The following SPTB variants were observed in gnomAD, a reference collection of about 807,000 sequenced individuals.
The protein encoded by SPTB is spectrin beta, erythrocytic.
A neutral mutation model predicts 256.2 loss-of-function variants in SPTB; 45 were observed. That is an observed-to-expected ratio of 0.18 (90% CI 0.14 to 0.23). SPTB has a LOEUF of 0.23. Among genes scored for constraint, SPTB ranks in the 10% least tolerant of loss-of-function variants. The probability of loss-of-function intolerance (pLI) is 1.00; values close to 1 mark genes in which losing one functional copy is unlikely to be tolerated. For synonymous variants in SPTB, 1,231 were observed against 1,243.1 expected, an observed-to-expected ratio of 0.99 and a Z score of 0.21; for missense variants, 2,715 against 3,040.4, an observed-to-expected ratio of 0.89 and a Z score of 2.52.
chr14:64,795,580 G>T lies in SPTB; in HGVS notation c.1401C>A (p.Ile467=). The T allele has an allele frequency of 6.2e-7, 1 of 1,614,108 alleles. No homozygotes were observed. The highest frequency in any genetic ancestry group is 8.5e-7 in the Non-Finnish European group (1 of 1,180,040). Residue 467 remains isoleucine (I), a synonymous_variant, in exon 12 of 36, where the codon ATC becomes ATA. Transcript: ENST00000644917. The surrounding 1 kb of genome is among the most constrained non-coding windows in gnomAD (Gnocchi z 6.5). ...VEAAKKKHEA[I]ETDTAAYEER... The stretch of plus-strand genomic sequence containing the variant: ...CCTCGTAGGCAGCCGTGTCGGTCTC[G>T]ATGGCCTCATGCTTCTTCTTGGCGG...
Position 64,759,443 on chromosome 14 carries a change from T to C in SPTB, c.6346-5650A>G, listed in dbSNP as rs2082062467. On this transcript the variant is annotated intron_variant, in intron 32 of 35. Coordinates refer to ENST00000644917, the MANE Select transcript of SPTB (RefSeq NM_001355436.2). This position sits in a 1 kb window ranked among gnomAD's most constrained non-coding sequence, Gnocchi z 4.8. ...CCCTGGGTCAGGCTAGCAGCATGGT[T>C]TGGCAGGAGGACCCACCTCCCCTGA... is the stretch of plus-strand genomic sequence containing the variant. Among the ~76,000 whole-genome samples, 1 of 152,134 alleles carries C rather than the reference T, an allele frequency of 6.6e-6. No homozygotes were observed. Among genetic ancestry groups the C allele is most frequent in the Non-Finnish European group, 1.5e-5 (1 of 68,012 alleles).
chr14:64,864,671 T>G (rs944737096), intron 1 of SPTB, among the ~76,000 whole-genome samples: 8 of 152,118 alleles, frequency 5.3e-5, no homozygotes, highest in Non-Finnish European at 1.0e-4. Context: ...AGACAAGAAA[T>G]TGTTAATAGT....
In SPTB at chr14:64,749,418, C is replaced by T. The variant is rs776083520; in HGVS notation, c.6875G>A (p.Ser2292Asn). The change falls in exon 36 of 36, where the codon AGC (serine) becomes AAC (asparagine). Residue 2292 changes from serine (S) to asparagine (N), a missense_variant. By Grantham distance (46) the Ser-to-Asn change is conservative. Around this residue, in one of 4 missense-constraint regions of SPTB, gnomAD observed 2,239 missense variants for 2,384.4 expected, o/e 0.94. Coordinates refer to ENST00000644917, the MANE Select transcript of SPTB (RefSeq NM_001355436.2). The surrounding 1 kb of genome is among the most constrained non-coding windows in gnomAD (Gnocchi z 4.7). ...GVSTAINESQ[S>N]IRVKAQSLPL... ...CAGGCTCTGCGCCTTGACGCGGATG[C>T]TCTGGGACTCGTTGATGGCGGTGCT... The T allele has an allele frequency of 3.1e-6, 5 of 1,606,506 alleles. No homozygotes were observed. The African/African-American group carries it at 5.3e-5, about 17-fold the overall frequency.
At position 64,827,922 on chromosome 14, in the gene SPTB, C is replaced by G. The variant is rs1237271876; in HGVS notation, c.-51-4777G>C. Among the ~76,000 whole-genome samples, 1 of 152,180 alleles carries G rather than the reference C, an allele frequency of 6.6e-6. No individual in the cohort carries two copies. Among genetic ancestry groups the G allele is most frequent in the Non-Finnish European group, 1.5e-5 (1 of 68,030 alleles). On this transcript the variant is annotated intron_variant, in intron 1 of 35. Transcript: ENST00000644917. This position sits in a 1 kb window ranked among gnomAD's most constrained non-coding sequence, Gnocchi z 4.6. ...CGATGTGGCCCAGATAAGCATGCCA[C>G]CTATGGGTGACCTTTCCAGTCGATG...
chr14:64,874,858 T>C (rs1386230241), intron 1 of SPTB, among the ~76,000 whole-genome samples: 2 of 152,236 alleles, frequency 1.3e-5, no homozygotes, highest in Non-Finnish European at 2.9e-5. Context: ...TCGAAGCAAT[T>C]ATTGTTCTTT....
chr14:64,749,123 G>T lies in SPTB; in HGVS notation c.*183C>A. ...GAGCCAGCGCGGGCGAGGGCATGGA[G>T]GGGGCGTCGGCCCAGGACACGCGGG... On this transcript the variant is annotated 3_prime_UTR_variant, in exon 36 of 36. Coordinates refer to ENST00000644917, the MANE Select transcript of SPTB (RefSeq NM_001355436.2). The surrounding 1 kb of genome is among the most constrained non-coding windows in gnomAD (Gnocchi z 4.7). 1.6e-6 allele frequency: 1 copy of T among 625,296 alleles called. No individual in the cohort carries two copies. The highest frequency in any genetic ancestry group is 2.6e-6 in the Non-Finnish European group (1 of 384,984). 38.7% of individuals were successfully genotyped at this position (625,296 alleles called of 1,614,324 possible). A position where few individuals can be genotyped will look rare whatever the true frequency, so the allele number is the denominator to read the frequency against.
intron 2 of SPTB, among the ~76,000 whole-genome samples, chr14:64,818,776 C>T (rs2083237014): frequency 1.3e-5 from 2 of 152,096 alleles, no homozygotes; most frequent in Admixed American, 1.3e-4. Context: ...ATTAGGGGGA[C>T]TCTAGGAGAT....
At chr14:64,878,938 T>C (rs1427475726) in intron 1 of SPTB, among the ~76,000 whole-genome samples, 1 of 152,330 alleles carries the variant, frequency 6.6e-6, no homozygotes, top group East Asian at 1.9e-4. Flanking sequence ...TGAAGCTCGT[T>C]GTCAGGGAAA....
chr14:64,784,485 G>T, intron 18 of SPTB, 92 bp from the exon 19 acceptor site: 1 of 1,524,530 alleles, frequency 6.6e-7, no homozygotes, highest in Non-Finnish European at 9.0e-7. Context: ...GAAGGAGAAG[G>T]CCATGGGGAG....
In SPTB at chr14:64,779,891, C is replaced by T. The variant is rs1300958852; in HGVS notation, c.4307G>A (p.Gly1436Glu). 2.5e-6 allele frequency: 4 copies of T among 1,614,036 alleles called. No individual in the cohort carries two copies. The highest frequency in any genetic ancestry group is 3.4e-6 in the Non-Finnish European group (4 of 1,179,950). The change falls in exon 21 of 36, where the codon GGG becomes GAG. Residue 1436 changes from glycine to glutamate, a missense_variant. Physicochemically the swap from Gly to Glu is moderately conservative, Grantham distance 98. Transcript: ENST00000644917. This position sits in a 1 kb window ranked among gnomAD's most constrained non-coding sequence, Gnocchi z 4.2. ...DQVNVRKEEL[G>E]ELFAQVPSMG... ...TGAAGGCACCTGGGCAAACAGCTCC[C>T]CCAGCTCCTCTTTTCGCACATTCAC...
In SPTB at chr14:64,773,334, G is replaced by A. The variant is rs755999558; in HGVS notation, c.5064C>T (p.Asn1688=). ...GCTTGAGCTGGAACAGGTGGTACAT[G>A]TTCTCCAGCTTGCGCTTGCGCTCTT... ...VAEERKRKLE[N]MYHLFQLKRE... The change falls in exon 25 of 36, where the codon AAC becomes AAT. Residue 1688 remains asparagine (N), a synonymous_variant. Coordinates refer to ENST00000644917, the MANE Select transcript of SPTB (RefSeq NM_001355436.2). 1 of 1,614,196 alleles carries A rather than the reference G, an allele frequency of 6.2e-7. No individual in the cohort carries two copies.
intron 1 of SPTB, among the ~76,000 whole-genome samples, chr14:64,840,743 G>A (rs1808668093): frequency 6.6e-6 from 1 of 152,166 alleles, no homozygotes; most frequent in Admixed American, 6.5e-5. Flanking sequence ...TCTGGAGTCT[G>A]TCAATGTGAT....
chr14:64,823,249 A>G lies in SPTB; in HGVS notation c.-51-104T>C, dbSNP rs1243179728. The G allele has an allele frequency of 5.8e-6, 5 of 856,654 alleles. No homozygotes were observed. The highest frequency in any genetic ancestry group is 9.5e-6 in the Non-Finnish European group (5 of 527,102). 53.1% of individuals were successfully genotyped at this position (856,654 alleles called of 1,614,324 possible). A position where few individuals can be genotyped will look rare whatever the true frequency, so the allele number is the denominator to read the frequency against. On this transcript the variant is annotated intron_variant, in intron 1 of 35. Coordinates refer to ENST00000644917, the MANE Select transcript of SPTB (RefSeq NM_001355436.2). The surrounding 1 kb of genome is among the most constrained non-coding windows in gnomAD (Gnocchi z 6.5). ...TCCAACGTGAGTAGATCCTGACAGA[A>G]GCAGAACGCCATGTCATCTGCCTGG...
chr14:64,851,938 T>C (rs1202038181), intron 1 of SPTB, among the ~76,000 whole-genome samples: 1 of 151,640 alleles, frequency 6.6e-6, no homozygotes, highest in Non-Finnish European at 1.5e-5. Context: ...AGGTGATGGG[T>C]TGATTGATAT....
rs953165017 is a variant in SPTB at position 64,802,391 on chromosome 14, G to A, written c.475-74C>T. The A allele has an allele frequency of 4.6e-5, 66 of 1,429,402 alleles. No homozygotes were observed. The highest frequency in any genetic ancestry group is 6.2e-5 in the Non-Finnish European group (64 of 1,025,376). 88.5% of individuals were successfully genotyped at this position (1,429,402 alleles called of 1,614,324 possible). On this transcript the variant is annotated intron_variant, in intron 4 of 35. Transcript: ENST00000644917. The surrounding 1 kb of genome is among the most constrained non-coding windows in gnomAD (Gnocchi z 5.1). Reference sequence around the variant, plus strand: ...CTGTGCTTTCCTGCCGTCCCTGGGAGGCTCCCTCCCTCATCCCCCCTTCAC... The same window carrying A: ...CTGTGCTTTCCTGCCGTCCCTGGGAAGCTCCCTCCCTCATCCCCCCTTCAC...
At chr14:64,818,669 C>G (rs1376607880) in intron 2 of SPTB, among the ~76,000 whole-genome samples, 1 of 152,112 alleles carries the variant, frequency 6.6e-6, no homozygotes, top group Non-Finnish European at 1.5e-5. Context: ...TTCCCTGCAG[C>G]CTGCAGTGTT....
chr14:64,876,887 C>T (rs1594866913), intron 1 of SPTB, among the ~76,000 whole-genome samples: 1 of 152,132 alleles, frequency 6.6e-6, no homozygotes, highest in South Asian at 2.1e-4. Flanking sequence ...GAGAGTGAGA[C>T]AGGAAAGAAA....
chr14:64,839,002 G>A (rs189476386), intron 1 of SPTB, among the ~76,000 whole-genome samples: 101 of 152,112 alleles, frequency 6.6e-4, no homozygotes, highest in African/African-American at 2.3e-3. Context: ...GGGTAGTGGC[G>A]GGTGCCTGTA....
intron 1 of SPTB, among the ~76,000 whole-genome samples, chr14:64,860,293 C>T (rs35536116): frequency 8.9e-4 from 136 of 152,318 alleles, no homozygotes; most frequent in Non-Finnish European, 1.5e-3. Context: ...TTGAATGAGC[C>T]CTTTTGTTTC....
Sources: gnomAD v4.1 joint callset for allele counts (sites outside exome capture counted in the v4.1 genomes callset) on GRCh38, gnomAD v4.1.1 for gene constraint, gnomAD v4.1.1 regional missense constraint, Gnocchi (gnomAD v3.1) non-coding constraint, MANE v1.5 for transcripts, NCBI Gene and HGNC (gene_info 2026-07-23, HGNC 2026-07-21) for gene names.